Variants in GPC6 observed in about 807,000 individuals in gnomAD.
The protein encoded by GPC6 is glypican 6, also known as glypican-6.
In GPC6, 14 loss-of-function variants were observed where a neutral mutation model predicts 55.2. That is an observed-to-expected ratio of 0.25 (90% confidence interval 0.17 to 0.40). GPC6 has a LOEUF of 0.40. Among genes scored for constraint, GPC6 ranks in the 10% least tolerant of loss-of-function variants. The pLI is 1.00. For missense variants in GPC6, 641 were observed against 708.5 expected (o/e 0.90, Z 1.08); for synonymous variants, 278 against 259.6 (o/e 1.07, Z -0.68).
rs115416180 is a variant in GPC6, at chr13:93,518,230, G to C, written c.161-27033G>C. 4.0e-3 allele frequency among the ~76,000 whole-genome samples: 611 copies of C among 152,024 alleles called. 6 individuals carry two copies. Among genetic ancestry groups the C allele is most frequent in the African/African-American group, 0.014 (574 of 41,526 alleles). ...TCCTCTCTGAAAACTTATCTAGACA[G>C]AGTTTTGATCATTATCTATGTCCTG... On this transcript the variant is annotated intron_variant, in intron 1 of 8. Coordinates refer to ENST00000377047, the MANE Select transcript of GPC6 (RefSeq NM_005708.5).
chr13:93,754,676 G>A (rs140379194), intron 2 of GPC6, among the ~76,000 whole-genome samples: 1 of 151,386 alleles, frequency 6.6e-6, no homozygotes, highest in Non-Finnish European at 1.5e-5. Context: ...GTCTAGAGAG[G>A]CATAGAATAG....
At chr13:93,353,288 G>A (rs973413750) in intron 1 of GPC6, among the ~76,000 whole-genome samples, 4 of 152,160 alleles carry the variant, frequency 2.6e-5, no homozygotes, top group African/African-American at 4.8e-5. Flanking sequence ...CCTTCACCTG[G>A]AGGAGTAGCT....
chr13:94,153,827 C>T (rs1478118071), intron 4 of GPC6, among the ~76,000 whole-genome samples: 2 of 152,100 alleles, frequency 1.3e-5, no homozygotes, highest in African/African-American at 4.8e-5. Context: ...TAACAAGATC[C>T]CCAGGTGATT....
chr13:93,711,287 G>T (rs1456486254), intron 2 of GPC6, among the ~76,000 whole-genome samples: 1 of 151,730 alleles, frequency 6.6e-6, no homozygotes, highest in East Asian at 2.0e-4. Context: ...GGTGGAAAAT[G>T]AACATGGAAG....
chr13:93,500,106 T>C (rs184650033), intron 1 of GPC6, among the ~76,000 whole-genome samples: 7 of 152,280 alleles, frequency 4.6e-5, no homozygotes, highest in African/African-American at 1.7e-4. Context: ...TTTTTTGGCA[T>C]TCTTTGGCAT....
chr13:93,847,413 A>G (rs1888221515), intron 3 of GPC6, among the ~76,000 whole-genome samples: 2 of 152,158 alleles, frequency 1.3e-5, no homozygotes, highest in South Asian at 4.1e-4. Flanking sequence ...CACTGGGTTA[A>G]ATGACTCAAA....
chr13:93,400,947 A>C (rs2762103), intron 1 of GPC6, among the ~76,000 whole-genome samples: 145,676 of 152,184 alleles, frequency 0.96, 70,046 homozygotes, highest in East Asian at 1. Flanking sequence ...CAGGACACAC[A>C]TGTCAGGGCC....
Position 94,100,601 on chromosome 13 carries a change from C to T in GPC6, c.877+72707C>T, listed in dbSNP as rs573680692. The stretch of plus-strand genomic sequence containing the variant: ...TGGAGTTCAGTGTTTGGATGGTCAC[C>T]TTCAGGCTAGTACTTTCTAGGGATC... On this transcript the variant is annotated intron_variant, in intron 4 of 8. Transcript: ENST00000377047. Among the ~76,000 whole-genome samples the T allele has an allele frequency of 3.9e-5, 6 of 152,258 alleles. No homozygotes were observed. The South Asian group carries it at 1.2e-3, about 32-fold the overall frequency.
chr13:93,752,529 A>T (rs1449325070), intron 2 of GPC6, among the ~76,000 whole-genome samples: 1 of 152,184 alleles, frequency 6.6e-6, no homozygotes, highest in Non-Finnish European at 1.5e-5. Context: ...CAACATTATA[A>T]TTTTAGCTAT....
rs143107716 is a variant in GPC6 at position 93,544,974 on chromosome 13, G to A, written c.161-289G>A. Among the ~76,000 whole-genome samples the A allele has an allele frequency of 3.3e-5, 5 of 152,188 alleles. No individual in the cohort carries two copies. The East Asian group carries it at 9.6e-4, about 29-fold the overall frequency. Reference sequence around the variant, plus strand: ...TTGTATCACCTGATGTTTACTTGATGTATTAAAAATAAAAGCCAGGAAAAA... The same window carrying A: ...TTGTATCACCTGATGTTTACTTGATATATTAAAAATAAAAGCCAGGAAAAA... On this transcript the variant is annotated intron_variant, in intron 1 of 8. Coordinates refer to ENST00000377047, the MANE Select transcript of GPC6 (RefSeq NM_005708.5).
chr13:94,049,563 G>A (rs1032036965), intron 4 of GPC6, among the ~76,000 whole-genome samples: 2 of 152,002 alleles, frequency 1.3e-5, no homozygotes, highest in African/African-American at 4.8e-5. Context: ...ACACCTCAGG[G>A]CCCTCACACT....
chr13:93,708,071 A>G (rs1194817986), intron 2 of GPC6, among the ~76,000 whole-genome samples: 1 of 151,886 alleles, frequency 6.6e-6, no homozygotes, highest in East Asian at 1.9e-4. Context: ...AAGAATAAAC[A>G]TCAAACAATA....
intron 1 of GPC6, among the ~76,000 whole-genome samples, chr13:93,259,426 A>G (rs906058912): frequency 2.0e-5 from 3 of 152,276 alleles, no homozygotes; most frequent in African/African-American, 7.2e-5. Context: ...GCTTCCTAGT[A>G]ATAGGCATTC....
At chr13:94,304,828 A>G (rs1423174051) in intron 5 of GPC6, among the ~76,000 whole-genome samples, 4 of 152,228 alleles carry the variant, frequency 2.6e-5, no homozygotes, top group Non-Finnish European at 5.9e-5. Context: ...TGTGACATGA[A>G]CAGCTGTCAA....
intron 2 of GPC6, among the ~76,000 whole-genome samples, chr13:93,584,684 GTTTTT>G (rs779571682): frequency 3.0e-3 from 287 of 95,568 alleles, no homozygotes; most frequent in African/African-American, 0.013. Context: ...CCTTCTGAAA[GTTTTT>G]TTTTTTTTTT....
At chr13:94,107,518 T>C (rs528423513) in intron 4 of GPC6, among the ~76,000 whole-genome samples, 16 of 152,018 alleles carry the variant, frequency 1.1e-4, no homozygotes, top group African/African-American at 3.9e-4. Flanking sequence ...TACTCCTTAC[T>C]AGATAAATAA....
At chr13:94,002,648 G>C (rs1181285526) in intron 3 of GPC6, among the ~76,000 whole-genome samples, 2 of 152,132 alleles carry the variant, frequency 1.3e-5, no homozygotes, top group Non-Finnish European at 2.9e-5. Context: ...CAGGAATCCT[G>C]AATTATGTTG....
At chr13:93,296,390 T>A (rs186543971) in intron 1 of GPC6, among the ~76,000 whole-genome samples, 1 of 152,272 alleles carries the variant, frequency 6.6e-6, no homozygotes, top group Admixed American at 6.5e-5. Flanking sequence ...CTACCTTAAT[T>A]TATCTTCTTT....
At chr13:93,327,657 C>T (rs1879703544) in intron 1 of GPC6, among the ~76,000 whole-genome samples, 1 of 152,052 alleles carries the variant, frequency 6.6e-6, no homozygotes, top group East Asian at 1.9e-4. Context: ...GGAATACAAG[C>T]ACAGGCAAAA....
Sources: allele counts gnomAD v4.1 joint callset (sites outside exome capture counted in the v4.1 genomes callset), GRCh38; gene constraint gnomAD v4.1.1; transcripts MANE v1.5; gene names NCBI Gene and HGNC (gene_info 2026-07-23, HGNC 2026-07-21).